SLF1: variants seen among roughly 807,000 people sequenced by gnomAD.
The protein encoded by SLF1 is SMC5-SMC6 complex localization factor protein 1.
SLF1 carries 105 observed loss-of-function variants against 123.0 expected under a neutral mutation model. The observed-to-expected ratio is 0.85, with a 90% CI of 0.73 to 1.00. The LOEUF is 1.00. Ranked by LOEUF, SLF1 falls within the 50% of genes least tolerant of loss-of-function variation. The probability of loss-of-function intolerance (pLI) is 0.00; values close to 1 mark genes in which losing one functional copy is unlikely to be tolerated. For missense variants in SLF1, 1,239 were observed against 1,223.0 expected (o/e 1.01, Z -0.20); for synonymous variants, 434 against 406.6 (o/e 1.07, Z -0.81).
chr5:94,649,875 A>G (rs1185170103), intron 6 of SLF1, among the ~76,000 whole-genome samples: 2 of 152,140 alleles, frequency 1.3e-5, no homozygotes, highest in African/African-American at 4.8e-5. Flanking sequence ...ATGTTTAGGT[A>G]ACTTACTTAT....
rs1561485954 is a variant in SLF1 at position 94,697,098 on chromosome 5, T to C, written c.*1786T>C. On this transcript the variant is annotated 3_prime_UTR_variant, in exon 21 of 21. Transcript: ENST00000265140. ...ATATTTGTTTAATTGCAATTAGCATTAATATTTCATAATTGACTGCTCTGT... is the reference window on the plus strand; with the variant it reads ...ATATTTGTTTAATTGCAATTAGCATCAATATTTCATAATTGACTGCTCTGT... 2 of 151,858 alleles carry C rather than the reference T, an allele frequency of 1.3e-5. No individual in the cohort carries two copies. Among genetic ancestry groups the C allele is most frequent in the African/African-American group, 2.4e-5 (1 of 41,404 alleles). 9.4% of individuals were successfully genotyped at this position (151,858 alleles called of 1,614,324 possible). A position where few individuals can be genotyped will look rare whatever the true frequency, so the allele number is the denominator to read the frequency against.
chr5:94,673,998 A>T (rs1057425511), intron 14 of SLF1, among the ~76,000 whole-genome samples: 8 of 152,152 alleles, frequency 5.3e-5, no homozygotes, highest in African/African-American at 1.9e-4. Flanking sequence ...AAATTACAGA[A>T]ATTGAAAATA....
chr5:94,653,603 A>G (rs1748010228), intron 8 of SLF1, among the ~76,000 whole-genome samples, 182 bp downstream of exon 8: 1 of 152,192 alleles, frequency 6.6e-6, no homozygotes, highest in Admixed American at 6.5e-5. Context: ...TGCATATACA[A>G]AGAAATCTGA....
At chr5:94,646,857 A>G (rs536569308) in intron 5 of SLF1, among the ~76,000 whole-genome samples, 1 of 152,328 alleles carries the variant, frequency 6.6e-6, no homozygotes, top group Non-Finnish European at 1.5e-5. Context: ...GAGAATTATT[A>G]CTATTACTAC....
chr5:94,693,918 A>G (rs965286933), intron 20 of SLF1, among the ~76,000 whole-genome samples: 2 of 151,380 alleles, frequency 1.3e-5, no homozygotes, highest in Admixed American at 6.6e-5. Context: ...TTTTATATCT[A>G]TGCTACTATG....
At chr5:94,666,976 T>TTA (rs869267356) in intron 12 of SLF1, among the ~76,000 whole-genome samples, 1 of 134,694 alleles carries the variant, frequency 7.4e-6, no homozygotes, top group Admixed American at 7.3e-5. Context: ...TTTTTTTTTT[T>TTA]AATTTAAGTG....
intron 14 of SLF1, among the ~76,000 whole-genome samples, chr5:94,677,275 A>G (rs1019771380): frequency 6.6e-6 from 1 of 152,144 alleles, no homozygotes; most frequent in African/African-American, 2.4e-5. Flanking sequence ...CATTTTTTCG[A>G]AACATTAAAA....
Position 94,643,391 on chromosome 5 carries a change from G to T in SLF1, c.550G>T (p.Ala184Ser), listed in dbSNP as rs1191759405. ...TGAGAAAGAAAAAGATAACTTTAAG[G>T]CTCCATTTTATCCAATTCAGTATCT... ...KAEKEKDNFK[A>S]PFYPIQYLGD... is the part of the protein sequence containing the mutation. The change falls in exon 5 of 21, where the codon GCT becomes TCT. Residue 184 changes from alanine (A) to serine (S), a missense_variant. Physicochemically the swap from Ala to Ser is moderately conservative, Grantham distance 99. Transcript: ENST00000265140. 7 of 1,534,682 alleles carry T rather than the reference G, an allele frequency of 4.6e-6. No individual in the cohort carries two copies. The highest frequency in any genetic ancestry group is 1.2e-5 in the South Asian group (1 of 81,834).
intron 1 of SLF1, among the ~76,000 whole-genome samples, chr5:94,622,576 G>A (rs1393151038): frequency 6.6e-6 from 1 of 152,010 alleles, no homozygotes; most frequent in Non-Finnish European, 1.5e-5. Context: ...GTTAACAATG[G>A]TATTACAGGC....
intron 14 of SLF1, among the ~76,000 whole-genome samples, chr5:94,674,704 G>A (rs1030934801): frequency 6.6e-6 from 1 of 152,148 alleles, no homozygotes; most frequent in African/African-American, 2.4e-5. Flanking sequence ...ATGTCAATCA[G>A]CAAGTATTGC....
chr5:94,678,724 C>G (rs1751399808), intron 14 of SLF1, 84 bp from the exon 15 acceptor site: 2 of 1,247,182 alleles, frequency 1.6e-6, no homozygotes, highest in East Asian at 5.1e-5. Context: ...TATGTTTTGC[C>G]CCTCAAAAAG....
intron 12 of SLF1, among the ~76,000 whole-genome samples, chr5:94,667,437 C>T (rs959682253): frequency 1.3e-5 from 2 of 152,152 alleles, no homozygotes; most frequent in Non-Finnish European, 2.9e-5. Flanking sequence ...ATTGCAGTAG[C>T]TGCTTTATTG....
At chr5:94,628,288 GCCA>G (rs1266316429) in intron 1 of SLF1, among the ~76,000 whole-genome samples, 6 of 151,770 alleles carry the variant, frequency 4.0e-5, no homozygotes, top group African/African-American at 1.5e-4. Context: ...ACAGGCACCT[GCCA>G]CCACACCTGG....
intron 8 of SLF1, among the ~76,000 whole-genome samples, chr5:94,654,020 A>C (rs967675444): frequency 2.6e-5 from 4 of 152,072 alleles, no homozygotes; most frequent in African/African-American, 9.7e-5. Flanking sequence ...AAATACAAAA[A>C]ATTAGCTGGC....
In SLF1 at chr5:94,630,696, A is replaced by G. The variant is rs1348428334; in HGVS notation, c.384A>G (p.Lys128=). The G allele has an allele frequency of 2.6e-6, 4 of 1,551,682 alleles. No individual in the cohort carries two copies. The highest frequency in any genetic ancestry group is 1.7e-4 in the Middle Eastern group (1 of 5,990). ...CTCCAGGAGCCTTCCACAGATGGAA[A>G]GTTGTCCTCCTTGTTAGAACTGATA... The part of the protein sequence containing the change: ...TGAPGAFHRW[K]VVLLVRTDKR... Residue 128 remains lysine, a synonymous_variant, in exon 4 of 21, where the codon AAA becomes AAG. Transcript: ENST00000265140.
intron 13 of SLF1, 147 bp downstream of exon 13, chr5:94,670,426 G>C: frequency 1.3e-6 from 1 of 782,902 alleles, no homozygotes; most frequent in Non-Finnish European, 1.8e-6. Flanking sequence ...CATATTTCCA[G>C]ATATTCTCAG....
At chr5:94,624,445 A>G (rs1035108737) in intron 1 of SLF1, among the ~76,000 whole-genome samples, 1 of 152,190 alleles carries the variant, frequency 6.6e-6, no homozygotes, top group Non-Finnish European at 1.5e-5. Flanking sequence ...ATGGTTTAAG[A>G]TGAAAACTGC....
chr5:94,681,435 G>A (rs1441981610), intron 15 of SLF1, among the ~76,000 whole-genome samples: 2 of 151,972 alleles, frequency 1.3e-5, no homozygotes, highest in African/African-American at 4.8e-5. Context: ...CCAGCCAAAA[G>A]TTTTAAACAT....
chr5:94,649,791 A>G (rs1747466688), intron 6 of SLF1, among the ~76,000 whole-genome samples, 194 bp downstream of exon 6: 1 of 152,196 alleles, frequency 6.6e-6, no homozygotes. Context: ...TAATGTTTGT[A>G]TGCATATAGA....
Sources: gnomAD v4.1 joint callset for allele counts (sites outside exome capture counted in the v4.1 genomes callset) on GRCh38, gnomAD v4.1.1 for gene constraint, MANE v1.5 for transcripts, NCBI Gene and HGNC (gene_info 2026-07-23, HGNC 2026-07-21) for gene names.